RFX7: variants seen among roughly 807,000 people sequenced by gnomAD.
RFX7 encodes regulatory factor X7.
A neutral mutation model predicts 111.8 loss-of-function variants in RFX7; 26 were observed. The ratio of observed to expected loss-of-function variants is 0.23; its 90% CI spans 0.17 to 0.32. The LOEUF is 0.32. RFX7 is among the 10% of genes least tolerant of loss of function. The pLI, the probability that RFX7 is intolerant of heterozygous loss-of-function variation, is 1.00. For missense variants in RFX7, 1,573 were observed against 1,772.9 expected, an observed-to-expected ratio of 0.89 and a Z score of 2.02; for synonymous variants, 624 against 624.4, an observed-to-expected ratio of 1.00 and a Z score of 0.01.
At chr15:56,237,502 T>C (rs2043636868) in intron 2 of RFX7, among the ~76,000 whole-genome samples, 1 of 152,198 alleles carries the variant, frequency 6.6e-6, no homozygotes, top group African/African-American at 2.4e-5. Flanking sequence ...TATTTTCTAA[T>C]GGAAAAAGTA....
In RFX7 at chr15:56,087,991, C is replaced by A; in HGVS notation, c.*5354G>T. On this transcript the variant is annotated 3_prime_UTR_variant, in exon 10 of 10. Transcript: ENST00000559447. Reference sequence around the variant, plus strand: ...ATTCTCCTAATACATCAGGGTATTTCTATGGAGAGAAGGGAGGGAAAAGGA... The same window carrying A: ...ATTCTCCTAATACATCAGGGTATTTATATGGAGAGAAGGGAGGGAAAAGGA... 2 of 340,432 alleles carry A rather than the reference C, an allele frequency of 5.9e-6. No homozygotes were observed. The highest frequency in any genetic ancestry group is 5.7e-6 in the Non-Finnish European group (1 of 174,292). 21.1% of individuals were successfully genotyped at this position (340,432 alleles called of 1,614,324 possible).
intron 3 of RFX7, among the ~76,000 whole-genome samples, chr15:56,156,374 T>C (rs1188791548): frequency 6.6e-6 from 1 of 152,132 alleles, no homozygotes; most frequent in Admixed American, 6.5e-5. Context: ...TACAAGATGC[T>C]AACCTTTTGG....
At chr15:56,213,273 A>C (rs915035341) in intron 2 of RFX7, among the ~76,000 whole-genome samples, 10 of 152,186 alleles carry the variant, frequency 6.6e-5, no homozygotes, top group Admixed American at 5.2e-4. Context: ...TAAGGGCCCA[A>C]AACTGGAATC....
At chr15:56,114,081 C>CAA (rs1230993751) in intron 5 of RFX7, among the ~76,000 whole-genome samples, 1 of 152,084 alleles carries the variant, frequency 6.6e-6, no homozygotes, top group East Asian at 1.9e-4. Context: ...GAAAACTCTT[C>CAA]AAAAGTGCCT....
intron 2 of RFX7, among the ~76,000 whole-genome samples, chr15:56,181,349 C>T (rs2042970927): frequency 6.6e-6 from 1 of 152,190 alleles, no homozygotes; most frequent in Non-Finnish European, 1.5e-5. Flanking sequence ...TCCCTGACTT[C>T]CCCATATAAA....
At chr15:56,193,417 C>T (rs1170259764) in intron 2 of RFX7, among the ~76,000 whole-genome samples, 1 of 152,152 alleles carries the variant, frequency 6.6e-6, no homozygotes, top group Non-Finnish European at 1.5e-5. Flanking sequence ...GTTCAAATGA[C>T]AATGTATGCT....
intron 8 of RFX7, among the ~76,000 whole-genome samples, chr15:56,098,720 T>C (rs1353361380): frequency 6.6e-6 from 1 of 152,206 alleles, no homozygotes; most frequent in East Asian, 1.9e-4. Context: ...TTTTACATTT[T>C]CTCAAAGGTC....
At chr15:56,173,878 T>G (rs2141116732) in intron 3 of RFX7, among the ~76,000 whole-genome samples, 1 of 151,904 alleles carries the variant, frequency 6.6e-6, no homozygotes, top group South Asian at 2.1e-4. Context: ...AGAAACAAAA[T>G]GATAAGATGA....
intron 2 of RFX7, among the ~76,000 whole-genome samples, chr15:56,184,391 A>G (rs1350212122): frequency 2.0e-5 from 3 of 151,602 alleles, no homozygotes; most frequent in Non-Finnish European, 2.9e-5. Flanking sequence ...TTTATAATTA[A>G]TATTTTTCTT....
At chr15:56,129,115 C>G (rs2140987297) in intron 5 of RFX7, among the ~76,000 whole-genome samples, 1 of 152,262 alleles carries the variant, frequency 6.6e-6, no homozygotes, top group East Asian at 1.9e-4. Flanking sequence ...ATGGCTCACG[C>G]CTGTAATCCC....
chr15:56,141,656 A>ACTATATATATATATATATAT lies in RFX7; in HGVS notation c.401+1121_401+1122insATATATATATATATATATAG, dbSNP rs1555421058. On this transcript the variant is annotated intron_variant, in intron 5 of 9. Coordinates refer to ENST00000559447, the MANE Select transcript of RFX7 (RefSeq NM_022841.7). ...TAATGAAGAATCTATGCTTACTCTA[A>ACTATATATATATATATATAT]ATATATATATATATATATATGCATA... Among the ~76,000 whole-genome samples the ACTATATATATATATATATAT allele has an allele frequency of 3.5e-3, 290 of 83,038 alleles. 15 individuals carry two copies. Among genetic ancestry groups the ACTATATATATATATATATAT allele is most frequent in the South Asian group, 7.2e-3 (20 of 2,790 alleles). 54.5% of individuals were successfully genotyped at this position (83,038 alleles called of 152,430 possible). A position where few individuals can be genotyped will look rare whatever the true frequency, so the allele number is the denominator to read the frequency against.
chr15:56,182,120 A>G (rs569883306), intron 2 of RFX7, among the ~76,000 whole-genome samples: 195 of 152,256 alleles, frequency 1.3e-3, no homozygotes, highest in Non-Finnish European at 2.2e-3. Context: ...GGTGAGTTAT[A>G]TAATTATTTC....
chr15:56,235,659 T>A (rs2043615049), intron 2 of RFX7, among the ~76,000 whole-genome samples: 2 of 152,182 alleles, frequency 1.3e-5, no homozygotes, highest in Non-Finnish European at 2.9e-5. Flanking sequence ...TAAAAATTAC[T>A]GATTTTGGAA....
intron 2 of RFX7, among the ~76,000 whole-genome samples, chr15:56,226,877 AAACTCGGATGGGAGTGGG>A (rs1370455653): frequency 6.6e-6 from 1 of 152,170 alleles, no homozygotes; most frequent in African/African-American, 2.4e-5. Flanking sequence ...GTAGCACCCA[AAACTCGGATGGGAGTGGG>A]AGTGGCCAAC....
intron 2 of RFX7, among the ~76,000 whole-genome samples, chr15:56,236,935 GCA>G (rs1206091198): frequency 6.6e-6 from 1 of 152,142 alleles, no homozygotes; most frequent in Non-Finnish European, 1.5e-5. Flanking sequence ...ATAAAGATTT[GCA>G]CAGTTAATCT....
intron 5 of RFX7, among the ~76,000 whole-genome samples, chr15:56,128,737 G>A (rs1214406944): frequency 1.3e-5 from 2 of 151,982 alleles, no homozygotes; most frequent in Non-Finnish European, 2.9e-5. Flanking sequence ...AAATAAATGA[G>A]AAGACATCCA....
At chr15:56,151,180 C>T (rs1489040769) in intron 3 of RFX7, among the ~76,000 whole-genome samples, 1 of 152,086 alleles carries the variant, frequency 6.6e-6, no homozygotes, top group Admixed American at 6.5e-5. Flanking sequence ...CAAGACAGGC[C>T]AACATTCAAA....
chr15:56,121,719 T>A (rs1311239221), intron 5 of RFX7, among the ~76,000 whole-genome samples: 1 of 152,172 alleles, frequency 6.6e-6, no homozygotes, highest in Non-Finnish European at 1.5e-5. Flanking sequence ...TTCTTTTTTT[T>A]ATTGTTTTTT....
At chr15:56,129,818 C>T (rs1416414064) in intron 5 of RFX7, among the ~76,000 whole-genome samples, 3 of 152,090 alleles carry the variant, frequency 2.0e-5, no homozygotes, top group Non-Finnish European at 2.9e-5. Context: ...AAGGGTGAAA[C>T]GTTTCTGGTT....
Sources: allele counts gnomAD v4.1 joint callset (sites outside exome capture counted in the v4.1 genomes callset), GRCh38; gene constraint gnomAD v4.1.1; transcripts MANE v1.5; gene names NCBI Gene and HGNC (gene_info 2026-07-23, HGNC 2026-07-21).